The following TNRC18 variants were observed in gnomAD, a reference collection of about 807,000 sequenced individuals.
TNRC18 encodes trinucleotide repeat-containing gene 18 protein.
A neutral mutation model predicts 226.7 loss-of-function variants in TNRC18; 69 were observed. That is an observed-to-expected ratio of 0.30 (90% CI 0.25 to 0.37). The LOEUF (loss-of-function observed/expected upper bound fraction) is 0.37. Ranked by LOEUF, TNRC18 falls within the 10% of genes least tolerant of loss-of-function variation. The pLI is 1.00. For synonymous variants in TNRC18, 2,449 were observed against 1,927.6 expected (o/e 1.27, Z -7.09); for missense variants, 4,754 against 4,256.6 (o/e 1.12, Z -3.25).
intron 2 of TNRC18, among the ~76,000 whole-genome samples, chr7:5,401,282 C>G (rs1781071911): frequency 6.6e-6 from 1 of 151,936 alleles, no homozygotes; most frequent in Non-Finnish European, 1.5e-5. Context: ...GTTCCTTAAA[C>G]AGCAAAGAAC....
At chr7:5,327,034 G>C (rs1157729764) in intron 19 of TNRC18, among the ~76,000 whole-genome samples, 5 of 151,774 alleles carry the variant, frequency 3.3e-5, no homozygotes, top group Non-Finnish European at 7.4e-5. Context: ...TGAGGCAGGA[G>C]AATCGCTTGA....
chr7:5,330,898 C>G (rs1789460461), intron 19 of TNRC18, among the ~76,000 whole-genome samples: 1 of 152,178 alleles, frequency 6.6e-6, no homozygotes, highest in Non-Finnish European at 1.5e-5. Flanking sequence ...TGGTCTCAAA[C>G]TCCTGACCTC....
chr7:5,383,133 G>C (rs1008722381), intron 5 of TNRC18, among the ~76,000 whole-genome samples: 16 of 152,122 alleles, frequency 1.1e-4, no homozygotes, highest in Non-Finnish European at 1.9e-4. Context: ...CAACTCCTGA[G>C]CTCAAGCGAT....
chr7:5,344,816 GC>G (rs1249083498), intron 18 of TNRC18, among the ~76,000 whole-genome samples: 2 of 152,182 alleles, frequency 1.3e-5, no homozygotes, highest in African/African-American at 4.8e-5. Context: ...AGGGCACTCA[GC>G]CCGGTGAGAA....
In TNRC18 at chr7:5,333,066, G is replaced by T; in HGVS notation, c.5720-17C>A. The T allele has an allele frequency of 6.4e-7, 1 of 1,561,400 alleles. No homozygotes were observed. Among genetic ancestry groups the T allele is most frequent in the Non-Finnish European group, 8.6e-7 (1 of 1,161,330 alleles). On this transcript the variant is annotated splice_polypyrimidine_tract_variant and intron_variant, in intron 18 of 29. Transcript: ENST00000430969. ...ACTCTGTGCCTGAACGCGGGAGGAGGGCGTGCTGGTCACAGCCTCGTGGGG... is the reference window on the plus strand; with the variant it reads ...ACTCTGTGCCTGAACGCGGGAGGAGTGCGTGCTGGTCACAGCCTCGTGGGG...
intron 9 of TNRC18, among the ~76,000 whole-genome samples, chr7:5,375,716 G>A (rs1278544171): frequency 6.6e-6 from 1 of 152,078 alleles, no homozygotes; most frequent in Non-Finnish European, 1.5e-5. Flanking sequence ...GAGCCCACTG[G>A]ACTCCTTCAG....
chr7:5,379,557 G>A (rs917307937), intron 5 of TNRC18, among the ~76,000 whole-genome samples: 1 of 152,222 alleles, frequency 6.6e-6, no homozygotes, highest in Non-Finnish European at 1.5e-5. Context: ...CCTGGCACAT[G>A]GATGGTCACC....
In TNRC18 at chr7:5,362,934, C is replaced by T. The variant is rs1241492839; in HGVS notation, c.4220-109G>A. The T allele has an allele frequency of 1.0e-5, 12 of 1,170,256 alleles. 1 individual carries two copies. The East Asian group carries it at 1.6e-4, about 16-fold the overall frequency. 72.5% of individuals were successfully genotyped at this position (1,170,256 alleles called of 1,614,324 possible). On this transcript the variant is annotated intron_variant, in intron 11 of 29. Transcript: ENST00000430969. The stretch of plus-strand genomic sequence containing the variant: ...CAGGCCCCAGGCCACACGTGCCCAT[C>T]CCCCAAGGTGCTGAGTAGACAGAGG...
At chr7:5,397,328 G>A (rs1030478483) in intron 2 of TNRC18, among the ~76,000 whole-genome samples, 2 of 152,190 alleles carry the variant, frequency 1.3e-5, no homozygotes, top group African/African-American at 2.4e-5. Context: ...TCTTCCTGCC[G>A]CAGGCTGCAC....
chr7:5,405,662 G>C (rs1290503052), intron 2 of TNRC18, among the ~76,000 whole-genome samples: 1 of 152,152 alleles, frequency 6.6e-6, no homozygotes, highest in Non-Finnish European at 1.5e-5. Flanking sequence ...AGAATCACGT[G>C]AACCCAGGAG....
At chr7:5,325,026 C>A (rs1334328434) in intron 20 of TNRC18, 70 bp downstream of exon 20, 2 of 1,492,714 alleles carry the variant, frequency 1.3e-6, no homozygotes, top group Non-Finnish European at 1.8e-6. Context: ...GCAGGTGGAG[C>A]CCCCTGCCCT....
chr7:5,312,995 A>AGAGGAGGATGAGGAG lies in TNRC18; in HGVS notation c.7881_7895dup (p.Ser2667_Ser2671dup), dbSNP rs1562477331. The AGAGGAGGATGAGGAG allele has an allele frequency of 1.0e-5, 9 of 873,730 alleles. No individual in the cohort carries two copies. The highest frequency in any genetic ancestry group is 1.4e-5 in the Non-Finnish European group (8 of 572,094). 54.1% of individuals were successfully genotyped at this position (873,730 alleles called of 1,614,324 possible). A position where few individuals can be genotyped will look rare whatever the true frequency, so the allele number is the denominator to read the frequency against. ...AGGAGGAGGAAGAGGAGGAGGAGGA[A>AGAGGAGGATGAGGAG]GAGGAGGATGAGGAGGAGGAGGAGG... On this transcript the variant is annotated inframe_insertion, in exon 27 of 30. Transcript: ENST00000430969. This position sits in a 1 kb window ranked among gnomAD's most constrained non-coding sequence, Gnocchi z 6.3.
chr7:5,365,167 G>C (rs1562555789), intron 11 of TNRC18, among the ~76,000 whole-genome samples: 2 of 152,206 alleles, frequency 1.3e-5, no homozygotes, highest in African/African-American at 4.8e-5. Context: ...ACCCTGGCTG[G>C]AGTTCACCAT....
At chr7:5,375,157 A>G (rs925097320) in intron 9 of TNRC18, among the ~76,000 whole-genome samples, 2 of 152,142 alleles carry the variant, frequency 1.3e-5, no homozygotes, top group Non-Finnish European at 1.5e-5. Flanking sequence ...ATAGAGAAAA[A>G]AATTAGCCGT....
intron 11 of TNRC18, among the ~76,000 whole-genome samples, chr7:5,369,146 G>A (rs910737503): frequency 2.0e-5 from 3 of 152,120 alleles, no homozygotes; most frequent in African/African-American, 2.4e-5. Flanking sequence ...TCGGGAGTTC[G>A]AGACCAGCCT....
At chr7:5,329,894 G>A in intron 19 of TNRC18, 1 of 470,654 alleles carries the variant, frequency 2.1e-6, no homozygotes, top group South Asian at 1.6e-5. Flanking sequence ...CTGAACAGCT[G>A]AATACCCAGC....
chr7:5,377,896 C>T lies in TNRC18; in HGVS notation c.2255+26G>A. On this transcript the variant is annotated intron_variant, in intron 6 of 29. Coordinates refer to ENST00000430969, the MANE Select transcript of TNRC18 (RefSeq NM_001080495.3). This position sits in a 1 kb window ranked among gnomAD's most constrained non-coding sequence, Gnocchi z 5.8. ...CAGGGGCTCCTAGATACCCCCTAGA[C>T]CCTCAGGATCCCCCGACACCCTCAC... 6.2e-7 allele frequency: 1 copy of T among 1,608,286 alleles called. No homozygotes were observed. Among genetic ancestry groups the T allele is most frequent in the Non-Finnish European group, 8.5e-7 (1 of 1,175,216 alleles).
intron 9 of TNRC18, among the ~76,000 whole-genome samples, chr7:5,375,636 C>T (rs1212424397): frequency 1.3e-5 from 2 of 152,170 alleles, no homozygotes; most frequent in African/African-American, 4.8e-5. Context: ...GGCAGCTGGC[C>T]AGGCCTCCTT....
chr7:5,390,313 C>T (rs1473373665), intron 4 of TNRC18, 172 bp downstream of exon 4: 3 of 695,768 alleles, frequency 4.3e-6, no homozygotes, highest in Admixed American at 3.1e-5. Context: ...GACCTATGAT[C>T]GCACCACTGC....
Sources: gnomAD v4.1 joint callset for allele counts (sites outside exome capture counted in the v4.1 genomes callset) on GRCh38, gnomAD v4.1.1 for gene constraint, Gnocchi (gnomAD v3.1) non-coding constraint, MANE v1.5 for transcripts, NCBI Gene and HGNC (gene_info 2026-07-23, HGNC 2026-07-21) for gene names.